The following ATXN8OS variants were observed in gnomAD, a reference collection of about 807,000 sequenced individuals.
ATXN8OS encodes the protein ATXN8 opposite strand (non-protein coding).
At chr13:70,168,054 T>C (rs1889099329) in intron 4 of ATXN8OS, among the ~76,000 whole-genome samples, 1 of 152,128 alleles carries the variant, frequency 6.6e-6, no homozygotes, top group Admixed American at 6.6e-5. Flanking sequence ...TGTGCCCACT[T>C]GGCTTATAAG....
At chr13:70,152,507 T>C (rs896627122) in intron 4 of ATXN8OS, among the ~76,000 whole-genome samples, 3 of 151,968 alleles carry the variant, frequency 2.0e-5, no homozygotes, top group African/African-American at 7.3e-5. Context: ...ATGTGTGTGT[T>C]TAATTGTTGT....
chr13:70,110,736 A>G (rs937635246), intron 1 of ATXN8OS, among the ~76,000 whole-genome samples: 2 of 152,100 alleles, frequency 1.3e-5, no homozygotes, highest in African/African-American at 2.4e-5. Flanking sequence ...AAAAATAAAA[A>G]ACTTTGATTG....
intron 4 of ATXN8OS, among the ~76,000 whole-genome samples, chr13:70,147,457 T>C (rs1888800961): frequency 6.6e-6 from 1 of 152,116 alleles, no homozygotes; most frequent in Admixed American, 6.6e-5. Context: ...AGATGGAGCA[T>C]ATGTTACTCT....
At chr13:70,117,988 G>A (rs777353899) in intron 2 of ATXN8OS, among the ~76,000 whole-genome samples, 7 of 151,980 alleles carry the variant, frequency 4.6e-5, no homozygotes, top group Non-Finnish European at 8.8e-5. Flanking sequence ...TCACAACATT[G>A]ATTTTTTGGT....
intron 4 of ATXN8OS, among the ~76,000 whole-genome samples, chr13:70,167,721 TTC>T (rs1889093770): frequency 1.0e-5 from 1 of 97,010 alleles, no homozygotes. Flanking sequence ...CATATGTAAC[TTC>T]TTTTTTTTTT....
intron 2 of ATXN8OS, among the ~76,000 whole-genome samples, chr13:70,125,964 C>T (rs1025409566): frequency 6.6e-6 from 1 of 152,098 alleles, no homozygotes; most frequent in Non-Finnish European, 1.5e-5. Flanking sequence ...TAGCTAAAGA[C>T]AAGCGGTGTG....
intron 2 of ATXN8OS, among the ~76,000 whole-genome samples, chr13:70,128,882 T>C (rs1888484143): frequency 6.6e-6 from 1 of 151,714 alleles, no homozygotes; most frequent in Admixed American, 6.6e-5. Flanking sequence ...GAGACAGAGT[T>C]TTTCTTTTGC....
intron 3 of ATXN8OS, among the ~76,000 whole-genome samples, chr13:70,146,578 G>A (rs1191604042): frequency 6.6e-6 from 1 of 152,114 alleles, no homozygotes; most frequent in Non-Finnish European, 1.5e-5. Context: ...GGAATACTAT[G>A]CAGCCATAAA....
intron 4 of ATXN8OS, among the ~76,000 whole-genome samples, chr13:70,168,101 T>A (rs4418948): frequency 0.069 from 10,506 of 152,154 alleles, 559 homozygotes; most frequent in Admixed American, 0.14. Flanking sequence ...CCATATACTT[T>A]TTTTGTTCTT....
intron 4 of ATXN8OS, among the ~76,000 whole-genome samples, chr13:70,152,069 A>G (rs1246153988): frequency 6.6e-6 from 1 of 151,982 alleles, no homozygotes; most frequent in Non-Finnish European, 1.5e-5. Context: ...TATGTCACTT[A>G]CTTCTGCCCT....
chr13:70,153,209 G>A lies in ATXN8OS; in HGVS notation n.573+5781G>A, dbSNP rs1888894284. ...AGTAGCTAAAGAGTGAATGGAGTAG[G>A]CAAGCATATAATGTAATACAATTTT... On this transcript the variant is annotated intron_variant and non_coding_transcript_variant, in intron 4 of 4. Transcript: ENST00000678624. Among the ~76,000 whole-genome samples, 3 of 152,254 alleles carry A rather than the reference G, an allele frequency of 2.0e-5. No homozygotes were observed. In the South Asian group the frequency reaches 6.2e-4, roughly 32 times the overall value.
At chr13:70,137,416 A>G (rs1188417201) in intron 3 of ATXN8OS, among the ~76,000 whole-genome samples, 2 of 152,166 alleles carry the variant, frequency 1.3e-5, no homozygotes, top group East Asian at 1.9e-4. Context: ...GATATTTGCT[A>G]TGAAAGCACT....
At chr13:70,168,532 C>T (rs188554309) in intron 4 of ATXN8OS, among the ~76,000 whole-genome samples, 2 of 151,768 alleles carry the variant, frequency 1.3e-5, no homozygotes, top group African/African-American at 2.4e-5. Context: ...CCCCGCCCCA[C>T]GCATATGCAC....
chr13:70,127,475 TAGAG>T (rs1055502975), intron 2 of ATXN8OS, among the ~76,000 whole-genome samples: 2 of 152,138 alleles, frequency 1.3e-5, no homozygotes, highest in Admixed American at 6.5e-5. Flanking sequence ...TAAACTAACA[TAGAG>T]AGGTATATAT....
In ATXN8OS at chr13:70,169,965, A is replaced by G. The variant is rs568862621; in HGVS notation, n.786A>G. Among the ~76,000 whole-genome samples, 60 of 152,174 alleles carry G rather than the reference A, an allele frequency of 3.9e-4. 1 individual carries two copies. The highest frequency in any genetic ancestry group is 1.3e-3 in the African/African-American group (55 of 41,538). On this transcript the variant is annotated non_coding_transcript_exon_variant, in exon 5 of 5. Transcript: ENST00000678624. ...TTCTGCCCAAACCTGACTTTCTTTCATGCCTTTACTGCTACTCTCTGAGGT... is the reference window on the plus strand; with the variant it reads ...TTCTGCCCAAACCTGACTTTCTTTCGTGCCTTTACTGCTACTCTCTGAGGT...
intron 1 of ATXN8OS, among the ~76,000 whole-genome samples, chr13:70,112,781 C>T (rs1049946499): frequency 2.0e-5 from 3 of 151,734 alleles, no homozygotes; most frequent in African/African-American, 4.8e-5. Context: ...TAATGATGAG[C>T]CAGGTTTTAT....
At chr13:70,116,514 G>C (rs1418566486) in intron 2 of ATXN8OS, among the ~76,000 whole-genome samples, 1 of 152,160 alleles carries the variant, frequency 6.6e-6, no homozygotes, top group Non-Finnish European at 1.5e-5. Context: ...ATAAGTACTA[G>C]AAGCGAGTGA....
intron 3 of ATXN8OS, among the ~76,000 whole-genome samples, chr13:70,138,666 A>C (rs1481534316): frequency 3.9e-5 from 6 of 152,168 alleles, no homozygotes; most frequent in Non-Finnish European, 5.9e-5. Context: ...TATAGTATGC[A>C]TTCCAAAATG....
intron 3 of ATXN8OS, among the ~76,000 whole-genome samples, chr13:70,139,042 G>A (rs896532208): frequency 3.3e-5 from 5 of 152,018 alleles, no homozygotes; most frequent in African/African-American, 1.2e-4. Flanking sequence ...CTTCTTAAAT[G>A]TCAACACATT....
Sources: gnomAD v4.1 joint callset for allele counts (sites outside exome capture counted in the v4.1 genomes callset) on GRCh38, gnomAD v4.1.1 for gene constraint, MANE v1.5 for transcripts, NCBI Gene and HGNC (gene_info 2026-07-23, HGNC 2026-07-21) for gene names.